Variants in TRPS1 observed in about 807,000 individuals in gnomAD.
TRPS1 encodes transcriptional repressor GATA binding 1, also known as zinc finger transcription factor Trps1.
Under a neutral mutation model 101.2 loss-of-function variants are expected in TRPS1, and 6 were observed. The observed-to-expected ratio is 0.06, with a 90% CI of 0.03 to 0.12. The LOEUF is 0.12. Among genes scored for constraint, TRPS1 ranks in the 10% least tolerant of loss-of-function variants. The probability of loss-of-function intolerance (pLI) is 1.00; values close to 1 mark genes in which losing one functional copy is unlikely to be tolerated. For synonymous variants in TRPS1, 578 were observed against 589.8 expected (o/e 0.98, Z 0.29); for missense variants, 1,363 against 1,567.0 (o/e 0.87, Z 2.20).
intron 5 of TRPS1, among the ~76,000 whole-genome samples, chr8:115,446,717 A>T (rs370624078): frequency 2.0e-5 from 3 of 152,184 alleles, no homozygotes; most frequent in African/African-American, 7.2e-5. Flanking sequence ...GAATTTATAG[A>T]TAACAATCAT....
At chr8:115,582,342 G>A (rs1372959385) in intron 5 of TRPS1, among the ~76,000 whole-genome samples, 6 of 152,230 alleles carry the variant, frequency 3.9e-5, no homozygotes, top group African/African-American at 1.4e-4. Context: ...CGTCTGTTTG[G>A]CTGCCAATGG....
chr8:115,593,553 C>T (rs899056807), intron 4 of TRPS1, among the ~76,000 whole-genome samples: 5 of 152,142 alleles, frequency 3.3e-5, no homozygotes, highest in African/African-American at 1.2e-4. Context: ...TAATAACTGA[C>T]AAGATCTTCA....
At chr8:115,452,872 C>A (rs1484611898) in intron 5 of TRPS1, among the ~76,000 whole-genome samples, 2 of 152,058 alleles carry the variant, frequency 1.3e-5, no homozygotes, top group African/African-American at 2.4e-5. Flanking sequence ...TATAAAATGT[C>A]GCATCACCAT....
At chr8:115,662,688 T>G (rs1811829504) in intron 1 of TRPS1, among the ~76,000 whole-genome samples, 1 of 122,502 alleles carries the variant, frequency 8.2e-6, no homozygotes, top group South Asian at 2.4e-4. Context: ...AAATGACTAT[T>G]TATAAAAAAA....
intron 3 of TRPS1, among the ~76,000 whole-genome samples, chr8:115,605,456 G>A (rs939717435): frequency 6.6e-6 from 1 of 152,100 alleles, no homozygotes; most frequent in African/African-American, 2.4e-5. Context: ...GTTCTCCAAG[G>A]AAATATTCTG....
intron 6 of TRPS1, among the ~76,000 whole-genome samples, chr8:115,415,372 T>G (rs1426449595): frequency 6.6e-6 from 1 of 152,058 alleles, no homozygotes; most frequent in Non-Finnish European, 1.5e-5. Context: ...GATTGCATCA[T>G]TTAGTGATGA....
intron 5 of TRPS1, among the ~76,000 whole-genome samples, chr8:115,441,898 A>AGAGAGTGTGTGTGT (rs1554620719): frequency 8.6e-6 from 1 of 116,150 alleles, no homozygotes. Context: ...AGAGAGAGAG[A>AGAGAGTGTGTGTGT]GTGTGTGTGT....
intron 4 of TRPS1, among the ~76,000 whole-genome samples, chr8:115,592,275 A>G (rs1258069995): frequency 6.6e-6 from 1 of 152,120 alleles, no homozygotes; most frequent in Admixed American, 6.5e-5. Flanking sequence ...AATGACACCA[A>G]CGCAGGGACC....
chr8:115,457,327 G>A (rs1370952627), intron 5 of TRPS1, among the ~76,000 whole-genome samples: 1 of 152,144 alleles, frequency 6.6e-6, no homozygotes, highest in Non-Finnish European at 1.5e-5. Flanking sequence ...GAACCTTGAG[G>A]ACATCATTAT....
rs755990611 is a variant in TRPS1 at position 115,409,261 on chromosome 8, G to GAAAAAAAAAAAAAAAAAAAAAAAAAAA, written c.*4761_*4762insTTTTTTTTTTTTTTTTTTTTTTTTTTT. 1 of 102,262 alleles carries GAAAAAAAAAAAAAAAAAAAAAAAAAAA rather than the reference G, an allele frequency of 9.8e-6. No homozygotes were observed. The highest frequency in any genetic ancestry group is 1.8e-5 in the Non-Finnish European group (1 of 54,690). 6.3% of individuals were successfully genotyped at this position (102,262 alleles called of 1,614,324 possible). A position where few individuals can be genotyped will look rare whatever the true frequency, so the allele number is the denominator to read the frequency against. On this transcript the variant is annotated 3_prime_UTR_variant, in exon 7 of 7. Coordinates refer to ENST00000395715, the MANE Select transcript of TRPS1 (RefSeq NM_014112.5). Reference sequence around the variant, plus strand: ...TGATATGCTGCAGTTTATATGTTGGGAAAAAAAAAAAAAAAAAAAACAGGG... The same window carrying GAAAAAAAAAAAAAAAAAAAAAAAAAAA: ...TGATATGCTGCAGTTTATATGTTGGGAAAAAAAAAAAAAAAAAAAAAAAAAAAAAAAAAAAAAAAAAAAAAAACAGGG...
At chr8:115,539,859 G>A (rs549831737) in intron 5 of TRPS1, among the ~76,000 whole-genome samples, 2 of 152,030 alleles carry the variant, frequency 1.3e-5, no homozygotes, top group Non-Finnish European at 2.9e-5. Flanking sequence ...TGCAGCCTCC[G>A]ACTCAGGAAT....
chr8:115,492,264 C>G (rs1252160608), intron 5 of TRPS1: 4 of 455,880 alleles, frequency 8.8e-6, no homozygotes, highest in African/African-American at 2.0e-5. Context: ...TAAGAATGTT[C>G]AGGAAATGTG....
intron 5 of TRPS1, among the ~76,000 whole-genome samples, chr8:115,533,448 T>TGTTTTTTTG (rs199572316): frequency 8.5e-5 from 11 of 130,056 alleles, no homozygotes; most frequent in African/African-American, 3.6e-4. Context: ...TTTTTTTTTT[T>TGTTTTTTTG]TTTTTTTTTT....
chr8:115,466,945 A>G (rs1814336938), intron 5 of TRPS1, among the ~76,000 whole-genome samples: 1 of 152,096 alleles, frequency 6.6e-6, no homozygotes, highest in African/African-American at 2.4e-5. Flanking sequence ...CTGCTCTGGA[A>G]ATTATGCGCT....
intron 1 of TRPS1, among the ~76,000 whole-genome samples, chr8:115,654,548 A>T (rs1357543690): frequency 1.3e-5 from 2 of 152,202 alleles, no homozygotes; most frequent in African/African-American, 4.8e-5. Flanking sequence ...CATCCATTTC[A>T]TGGAAGATAA....
chr8:115,509,962 A>C (rs1030484984), intron 5 of TRPS1, among the ~76,000 whole-genome samples: 4 of 151,996 alleles, frequency 2.6e-5, no homozygotes, highest in African/African-American at 9.7e-5. Flanking sequence ...CAGTAGGATT[A>C]ACCTGCATGA....
At chr8:115,513,981 T>C (rs1447274163) in intron 5 of TRPS1, among the ~76,000 whole-genome samples, 2 of 151,744 alleles carry the variant, frequency 1.3e-5, no homozygotes, top group East Asian at 3.9e-4. Context: ...CAAAAGACTA[T>C]ACGTACCCTT....
intron 5 of TRPS1, among the ~76,000 whole-genome samples, chr8:115,517,649 T>C (rs2130211585): frequency 6.6e-6 from 1 of 151,912 alleles, no homozygotes; most frequent in African/African-American, 2.4e-5. Flanking sequence ...AAATTATGTC[T>C]TTCTGCATCA....
chr8:115,620,438 T>C (rs71530812), intron 2 of TRPS1, among the ~76,000 whole-genome samples: 1 of 151,996 alleles, frequency 6.6e-6, no homozygotes, highest in South Asian at 2.1e-4. Flanking sequence ...TTATATATGG[T>C]CTATATTATA....
Sources: gnomAD v4.1 joint callset for allele counts (sites outside exome capture counted in the v4.1 genomes callset) on GRCh38, gnomAD v4.1.1 for gene constraint, MANE v1.5 for transcripts, NCBI Gene and HGNC (gene_info 2026-07-23, HGNC 2026-07-21) for gene names.